The following NEDD4L variants were observed in gnomAD, a reference collection of about 807,000 sequenced individuals.
NEDD4L encodes the protein NEDD4 like E3 ubiquitin protein ligase, also known as E3 ubiquitin-protein ligase NEDD4-like.
A neutral mutation model predicts 148.9 loss-of-function variants in NEDD4L; 54 were observed. The observed-to-expected ratio is 0.36, with a 90% CI of 0.29 to 0.45. NEDD4L has a LOEUF of 0.45. Among genes scored for constraint, NEDD4L ranks in the 20% least tolerant of loss-of-function variants. NEDD4L has a pLI of 1.00. For missense variants in NEDD4L, 856 were observed against 1,233.8 expected, an observed-to-expected ratio of 0.69 and a Z score of 4.59; for synonymous variants, 433 against 440.7, an observed-to-expected ratio of 0.98 and a Z score of 0.22.
At chr18:58,249,312 G>C (rs1349267424) in intron 4 of NEDD4L, among the ~76,000 whole-genome samples, 1 of 152,136 alleles carries the variant, frequency 6.6e-6, no homozygotes, top group African/African-American at 2.4e-5. Context: ...TGATTAAAAA[G>C]AAACATAAAA....
At chr18:58,327,649 GTA>G (rs1301282838) in intron 9 of NEDD4L, among the ~76,000 whole-genome samples, 2 of 152,222 alleles carry the variant, frequency 1.3e-5, no homozygotes, top group Admixed American at 6.5e-5. Context: ...TTGGGATACA[GTA>G]TAAGTTCATT....
intron 2 of NEDD4L, among the ~76,000 whole-genome samples, chr18:58,167,940 A>G (rs1367881473): frequency 1.3e-5 from 2 of 152,104 alleles, no homozygotes; most frequent in East Asian, 3.9e-4. Flanking sequence ...AAATTGATTC[A>G]CATTGTATTT....
At chr18:58,084,720 G>T (rs1473819371) in intron 1 of NEDD4L, among the ~76,000 whole-genome samples, 3 of 92,176 alleles carry the variant, frequency 3.3e-5, no homozygotes, top group African/African-American at 1.1e-4. Context: ...TTTGAGACAG[G>T]GTCTTCCTCT....
At chr18:58,326,925 A>T (rs2144518434) in intron 9 of NEDD4L, among the ~76,000 whole-genome samples, 1 of 152,296 alleles carries the variant, frequency 6.6e-6, no homozygotes, top group Middle Eastern at 3.4e-3. Flanking sequence ...AGGTGTAGAC[A>T]TGTCCCCACA....
intron 1 of NEDD4L, among the ~76,000 whole-genome samples, chr18:58,154,234 C>G (rs1163814258): frequency 6.6e-6 from 1 of 152,168 alleles, no homozygotes; most frequent in South Asian, 2.1e-4. Context: ...CCCTGATAAC[C>G]GAGCTCAGGC....
chr18:58,253,108 C>G (rs1266661246), intron 5 of NEDD4L, among the ~76,000 whole-genome samples: 1 of 152,196 alleles, frequency 6.6e-6, no homozygotes, highest in Non-Finnish European at 1.5e-5. Flanking sequence ...TCTTAAGAAT[C>G]CTTTCTGCAG....
At chr18:58,351,156 G>A (rs1601590388) in intron 18 of NEDD4L, 111 bp downstream of exon 18, 1 of 1,523,814 alleles carries the variant, frequency 6.6e-7, no homozygotes, top group Non-Finnish European at 8.8e-7. Flanking sequence ...GCAGCCAGGT[G>A]TTATGTGGAG....
intron 19 of NEDD4L, among the ~76,000 whole-genome samples, chr18:58,363,056 G>A (rs896976714): frequency 6.6e-6 from 1 of 152,198 alleles, no homozygotes; most frequent in Non-Finnish European, 1.5e-5. Context: ...CATAGGCAGT[G>A]TAAATTGTCT....
chr18:58,350,056 G>GT (rs777701645), intron 17 of NEDD4L, among the ~76,000 whole-genome samples: 1 of 152,126 alleles, frequency 6.6e-6, no homozygotes. Flanking sequence ...GATTTTTAAA[G>GT]TTTTTTTCTC....
chr18:58,303,627 T>C (rs1307808443), intron 5 of NEDD4L, among the ~76,000 whole-genome samples: 3 of 152,234 alleles, frequency 2.0e-5, no homozygotes, highest in African/African-American at 7.2e-5. Context: ...GGAAATACTC[T>C]GGTACATGGA....
At chr18:58,117,774 C>T (rs1050902338) in intron 1 of NEDD4L, among the ~76,000 whole-genome samples, 9 of 152,280 alleles carry the variant, frequency 5.9e-5, no homozygotes, top group Non-Finnish European at 1.2e-4. Flanking sequence ...GCTTATCAGC[C>T]TGGACTCCTT....
At chr18:58,226,399 T>C (rs2044358378) in intron 2 of NEDD4L, among the ~76,000 whole-genome samples, 2 of 152,224 alleles carry the variant, frequency 1.3e-5, no homozygotes, top group Non-Finnish European at 2.9e-5. Context: ...AGCAGAGCTC[T>C]ATGTTTTCTC....
intron 18 of NEDD4L, among the ~76,000 whole-genome samples, chr18:58,356,281 T>C (rs1431479882): frequency 7.1e-6 from 1 of 139,900 alleles, no homozygotes; most frequent in Non-Finnish European, 1.5e-5. Flanking sequence ...CAAATAATTT[T>C]CTTCTTCTTT....
At chr18:58,239,033 A>G (rs1452419380) in intron 2 of NEDD4L, among the ~76,000 whole-genome samples, 1 of 152,228 alleles carries the variant, frequency 6.6e-6, no homozygotes, top group Non-Finnish European at 1.5e-5. Flanking sequence ...ACTTGATGGT[A>G]ACAGTAAAAG....
At position 58,152,108 on chromosome 18, in the gene NEDD4L, T is replaced by TA. The variant is rs35813484; in HGVS notation, c.49-13669dup. Among the ~76,000 whole-genome samples, 1,397 of 149,012 alleles carry TA rather than the reference T, an allele frequency of 9.4e-3. 23 individuals are homozygous for TA. Among genetic ancestry groups the TA allele is most frequent in the African/African-American group, 0.031 (1,267 of 40,662 alleles). ...CATTACTCATGTTCTTCAGAAAAAT[T>TA]AAAAAAAAAAACTCAGTCATTATAG... On this transcript the variant is annotated intron_variant, in intron 1 of 30. Coordinates refer to ENST00000400345, the MANE Select transcript of NEDD4L (RefSeq NM_001144967.3).
chr18:58,333,561 C>T (rs906230405), intron 11 of NEDD4L, among the ~76,000 whole-genome samples: 2 of 152,200 alleles, frequency 1.3e-5, no homozygotes, highest in Non-Finnish European at 2.9e-5. Context: ...AGTCTCCTTT[C>T]TGAAAGTTTT....
chr18:58,198,160 G>C (rs1244968902), intron 2 of NEDD4L, among the ~76,000 whole-genome samples: 2 of 152,160 alleles, frequency 1.3e-5, no homozygotes, highest in Admixed American at 1.3e-4. Context: ...TTTATGTCGA[G>C]AACTTTACAA....
At chr18:58,194,865 A>G (rs1208859871) in intron 2 of NEDD4L, among the ~76,000 whole-genome samples, 3 of 152,236 alleles carry the variant, frequency 2.0e-5, no homozygotes, top group Admixed American at 1.3e-4. Context: ...AAAAAAGCAC[A>G]TTGATTGCAG....
chr18:58,199,083 C>T (rs1314369293), intron 2 of NEDD4L, among the ~76,000 whole-genome samples: 5 of 152,204 alleles, frequency 3.3e-5, no homozygotes, highest in East Asian at 3.8e-4. Flanking sequence ...TGAGCCACCA[C>T]GTCCGGCCTT....
Sources: allele counts gnomAD v4.1 joint callset (sites outside exome capture counted in the v4.1 genomes callset), GRCh38; gene constraint gnomAD v4.1.1; transcripts MANE v1.5; gene names NCBI Gene and HGNC (gene_info 2026-07-23, HGNC 2026-07-21).